The following RAB27B variants were observed in gnomAD, a reference collection of about 807,000 sequenced individuals.
RAB27B encodes the protein RAB27B, member RAS oncogene family.
RAB27B carries 15 observed loss-of-function variants against 24.6 expected under a neutral mutation model. That is an observed-to-expected ratio of 0.61 (90% CI 0.41 to 0.94). The LOEUF is 0.94. Ranked by LOEUF, RAB27B falls within the 40% of genes least tolerant of loss-of-function variation. The pLI is 0.00. For synonymous variants in RAB27B, 105 were observed against 92.5 expected (o/e 1.14, Z -0.78); for missense variants, 261 against 266.8 (o/e 0.98, Z 0.15).
At chr18:54,720,889 G>A (rs553346506) in intron 2 of RAB27B, among the ~76,000 whole-genome samples, 15 of 152,124 alleles carry the variant, frequency 9.9e-5, no homozygotes, top group African/African-American at 3.1e-4. Context: ...CAATAAATAG[G>A]AATTACATGT....
intron 2 of RAB27B, among the ~76,000 whole-genome samples, chr18:54,814,978 C>T (rs1910077639): frequency 6.6e-6 from 1 of 152,166 alleles, no homozygotes; most frequent in Admixed American, 6.5e-5. Context: ...CAACCACCAT[C>T]TCAACCCCCA....
chr18:54,752,066 A>T (rs1324589335), intron 2 of RAB27B, among the ~76,000 whole-genome samples: 1 of 152,176 alleles, frequency 6.6e-6, no homozygotes, highest in African/African-American at 2.4e-5. Context: ...TACTACTTGC[A>T]GCCATTCAAT....
intron 2 of RAB27B, among the ~76,000 whole-genome samples, chr18:54,754,621 G>C (rs182171579): frequency 2.0e-5 from 3 of 152,302 alleles, no homozygotes; most frequent in Non-Finnish European, 1.5e-5. Flanking sequence ...TACGGATCTT[G>C]TCTACGTAAA....
intron 2 of RAB27B, among the ~76,000 whole-genome samples, chr18:54,786,731 G>A (rs1008237388): frequency 2.6e-5 from 4 of 152,162 alleles, no homozygotes; most frequent in African/African-American, 9.7e-5. Flanking sequence ...AAATGTTCAA[G>A]TAATTATTTT....
Position 54,855,345 on chromosome 18 carries a change from C to T in RAB27B, c.-19-22222C>T, listed in dbSNP as rs558374823. ...CCTAACAGGCCACTGACCAATGGGACCATGCCAAGGGTCCATGGCATGAGG... is the reference window on the plus strand; with the variant it reads ...CCTAACAGGCCACTGACCAATGGGATCATGCCAAGGGTCCATGGCATGAGG... On this transcript the variant is annotated intron_variant, in intron 1 of 5. Coordinates refer to ENST00000262094, the MANE Select transcript of RAB27B (RefSeq NM_004163.4). 2.6e-5 allele frequency among the ~76,000 whole-genome samples: 4 copies of T among 152,262 alleles called. No homozygotes were observed. The East Asian group carries it at 5.8e-4, about 22-fold the overall frequency.
chr18:54,845,092 A>G (rs1911276747), intron 1 of RAB27B, among the ~76,000 whole-genome samples: 1 of 152,070 alleles, frequency 6.6e-6, no homozygotes. Flanking sequence ...GGCCTGATGT[A>G]TTTGTCTAAG....
At chr18:54,773,223 T>A (rs1448701499) in intron 2 of RAB27B, among the ~76,000 whole-genome samples, 1 of 152,162 alleles carries the variant, frequency 6.6e-6, no homozygotes, top group Non-Finnish European at 1.5e-5. Context: ...GTTAGAGTGA[T>A]CAAAATTTTC....
At chr18:54,814,402 A>G (rs1910060031) in intron 2 of RAB27B, among the ~76,000 whole-genome samples, 2 of 152,220 alleles carry the variant, frequency 1.3e-5, no homozygotes, top group Non-Finnish European at 2.9e-5. Context: ...TCAAGGGAAT[A>G]GGGTCGAATG....
At chr18:54,826,002 G>A (rs568822161), upstream of RAB27B, among the ~76,000 whole-genome samples, 8 of 152,200 alleles carry the variant, frequency 5.3e-5, no homozygotes, top group Admixed American at 1.3e-4. Context: ...CAGTTACCAC[G>A]CCTGCATCTG....
At chr18:54,728,164 C>T (rs976981528) in intron 2 of RAB27B, among the ~76,000 whole-genome samples, 26 of 152,130 alleles carry the variant, frequency 1.7e-4, no homozygotes, top group Admixed American at 9.2e-4. Context: ...TAGGAACACA[C>T]CAAAAAAGCT....
At chr18:54,729,054 T>G (rs1039874172) in intron 2 of RAB27B, among the ~76,000 whole-genome samples, 1 of 151,868 alleles carries the variant, frequency 6.6e-6, no homozygotes, top group Non-Finnish European at 1.5e-5. Context: ...ATAAAACTAT[T>G]AAAAACAAAA....
chr18:54,762,475 C>G (rs1908221442), intron 2 of RAB27B, among the ~76,000 whole-genome samples: 1 of 152,196 alleles, frequency 6.6e-6, no homozygotes, highest in Admixed American at 6.5e-5. Context: ...TACACTCCCC[C>G]ATAGTCTAAC....
intron 1 of RAB27B, among the ~76,000 whole-genome samples, chr18:54,850,531 T>C (rs1018030151): frequency 6.6e-6 from 1 of 150,592 alleles, no homozygotes; most frequent in African/African-American, 2.4e-5. Context: ...CATGCCCAGC[T>C]ATGTTTTGTA....
At chr18:54,867,157 A>G (rs145518840) in intron 1 of RAB27B, among the ~76,000 whole-genome samples, 2 of 152,314 alleles carry the variant, frequency 1.3e-5, no homozygotes, top group East Asian at 3.9e-4. Flanking sequence ...AACCAAAATA[A>G]CAACCAAAAA....
intron 2 of RAB27B, among the ~76,000 whole-genome samples, chr18:54,754,267 C>T (rs1907932756): frequency 6.6e-6 from 1 of 152,114 alleles, no homozygotes; most frequent in Non-Finnish European, 1.5e-5. Context: ...TGAAGAAGGT[C>T]CTTGCTTCCC....
intron 2 of RAB27B, among the ~76,000 whole-genome samples, chr18:54,729,170 C>A (rs2144988027): frequency 6.6e-6 from 1 of 152,068 alleles, no homozygotes; most frequent in South Asian, 2.1e-4. Flanking sequence ...TGTAAAGTTT[C>A]TATTTATTAG....
chr18:54,785,914 G>A (rs189469799), intron 2 of RAB27B, among the ~76,000 whole-genome samples: 14 of 152,226 alleles, frequency 9.2e-5, no homozygotes, highest in Admixed American at 8.5e-4. Context: ...TGACTATAGA[G>A]GCCCAAAAAG....
intron 2 of RAB27B, among the ~76,000 whole-genome samples, chr18:54,743,738 G>C (rs562912535): frequency 1.3e-5 from 2 of 152,218 alleles, no homozygotes; most frequent in Non-Finnish European, 2.9e-5. Flanking sequence ...CAAAGAGCCA[G>C]AGTGGACAGA....
intron 2 of RAB27B, among the ~76,000 whole-genome samples, chr18:54,745,902 A>G (rs1454386886): frequency 2.7e-5 from 4 of 150,294 alleles, no homozygotes; most frequent in Non-Finnish European, 5.9e-5. Flanking sequence ...TATTAGCTAC[A>G]CTGCTGGCCA....
Sources: allele counts gnomAD v4.1 joint callset (sites outside exome capture counted in the v4.1 genomes callset), GRCh38; gene constraint gnomAD v4.1.1; transcripts MANE v1.5; gene names NCBI Gene and HGNC (gene_info 2026-07-23, HGNC 2026-07-21).